LAMA1: variants seen among roughly 807,000 people sequenced by gnomAD.
The protein encoded by LAMA1 is laminin subunit alpha-1.
A neutral mutation model predicts 348.7 loss-of-function variants in LAMA1; 219 were observed. The ratio of observed to expected loss-of-function variants is 0.63; its 90% confidence interval spans 0.56 to 0.70. The LOEUF (loss-of-function observed/expected upper bound fraction) is 0.70, where lower values mean the gene tolerates loss of function less well. Ranked by LOEUF, LAMA1 falls within the 30% of genes least tolerant of loss-of-function variation. LAMA1 has a pLI of 0.00. For missense variants in LAMA1, 3,744 were observed against 3,888.0 expected (o/e 0.96, Z 0.99); for synonymous variants, 1,487 against 1,491.0 (o/e 1.00, Z 0.06).
intron 56 of LAMA1, 172 bp downstream of exon 56, chr18:6,956,464 G>C: frequency 1.9e-6 from 2 of 1,074,928 alleles, no homozygotes; most frequent in Non-Finnish European, 2.8e-6. Flanking sequence ...TGAGTTGCTT[G>C]AGGCACCCTT....
chr18:6,964,925 T>C (rs926791924), intron 50 of LAMA1, 122 bp from the exon 51 acceptor site: 12 of 1,123,232 alleles, frequency 1.1e-5, no homozygotes, highest in Non-Finnish European at 1.6e-5. Flanking sequence ...TTCTGCGAAT[T>C]TGATCAGCTA....
At chr18:7,007,679 A>G (rs561956883) in intron 28 of LAMA1, among the ~76,000 whole-genome samples, 7 of 152,246 alleles carry the variant, frequency 4.6e-5, no homozygotes, top group East Asian at 1.9e-4. Context: ...AGATATTTGA[A>G]CCCCTATGTT....
At chr18:7,020,384 GAGA>G (rs2057910093) in intron 19 of LAMA1, among the ~76,000 whole-genome samples, 1 of 152,156 alleles carries the variant, frequency 6.6e-6, no homozygotes, top group Non-Finnish European at 1.5e-5. Context: ...GCTTGCTTTA[GAGA>G]AGGTCAATCA....
chr18:6,995,892 T>C (rs2057779047), intron 33 of LAMA1, among the ~76,000 whole-genome samples: 1 of 152,186 alleles, frequency 6.6e-6, no homozygotes, highest in South Asian at 2.1e-4. Flanking sequence ...AGCCTTCTAA[T>C]TTCTTGTATA....
intron 1 of LAMA1, among the ~76,000 whole-genome samples, chr18:7,108,901 C>T (rs114107635): frequency 6.6e-5 from 10 of 152,026 alleles, no homozygotes; most frequent in Admixed American, 2.6e-4. Context: ...TGGATTTTGA[C>T]GGGTGGGGAA....
chr18:7,086,552 C>T (rs1468634086), intron 1 of LAMA1, among the ~76,000 whole-genome samples: 1 of 152,038 alleles, frequency 6.6e-6, no homozygotes, highest in Non-Finnish European at 1.5e-5. Context: ...ATCATTCATA[C>T]AGAGATCATG....
At chr18:7,048,174 CAAG>C (rs1843686899) in intron 5 of LAMA1, among the ~76,000 whole-genome samples, 1 of 151,986 alleles carries the variant, frequency 6.6e-6, no homozygotes, top group Non-Finnish European at 1.5e-5. Flanking sequence ...AAGTCAGTAA[CAAG>C]GAGGCTTATT....
intron 1 of LAMA1, among the ~76,000 whole-genome samples, chr18:7,087,301 T>A (rs950167417): frequency 4.6e-5 from 7 of 152,206 alleles, no homozygotes; most frequent in South Asian, 2.1e-4. Context: ...TTTATCACTA[T>A]CTTCCAGAAT....
intron 3 of LAMA1, among the ~76,000 whole-genome samples, chr18:7,065,757 G>A (rs141340488): frequency 1.1e-4 from 16 of 152,260 alleles, no homozygotes; most frequent in African/African-American, 3.1e-4. Context: ...GAACAGAAGC[G>A]AATAAGTATA....
intron 5 of LAMA1, among the ~76,000 whole-genome samples, chr18:7,047,472 G>A (rs1176660245): frequency 1.3e-5 from 2 of 152,154 alleles, no homozygotes; most frequent in African/African-American, 2.4e-5. Context: ...TGCACAGATT[G>A]GATGACTCAA....
intron 3 of LAMA1, among the ~76,000 whole-genome samples, chr18:7,057,721 C>T (rs1255168008): frequency 6.6e-6 from 1 of 151,636 alleles, no homozygotes; most frequent in East Asian, 1.9e-4. Context: ...TCAAGTGATC[C>T]ACCCGCCTTG....
At chr18:7,043,152 G>T in intron 8 of LAMA1, 75 bp downstream of exon 8, 1 of 1,440,546 alleles carries the variant, frequency 6.9e-7, no homozygotes, top group Non-Finnish European at 9.8e-7. Context: ...CAATACAGAG[G>T]TTAAGACTTG....
At position 7,037,691 on chromosome 18, in the gene LAMA1, G is replaced by T; in HGVS notation, c.1624C>A (p.Gln542Lys). 1 of 1,614,200 alleles carries T rather than the reference G, an allele frequency of 6.2e-7. No homozygotes were observed. Among genetic ancestry groups the T allele is most frequent in the South Asian group, 1.1e-5 (1 of 91,086 alleles). The change falls in exon 12 of 63, where the codon CAG becomes AAG. Residue 542 changes from glutamine to lysine, a missense_variant. By Grantham distance (53) the Gln-to-Lys change is moderately conservative. Transcript: ENST00000389658. ...DLISPRKIPS[Q>K]QDALGGRHQV... ...TGGCGCCCGCCTAGTGCATCTTGCT[G>T]AGACGGGATCTTCCTGGGACTGATC...
rs1438154402 is a variant in LAMA1, at chr18:6,990,321, T to G, written c.5168+2240A>C. On this transcript the variant is annotated intron_variant, in intron 36 of 62. Coordinates refer to ENST00000389658, the MANE Select transcript of LAMA1 (RefSeq NM_005559.4). The stretch of plus-strand genomic sequence containing the variant: ...TCACTTTGCTGAATGAATGAATGAA[T>G]GAACTGACCTCAGAAGGGTAACGGT... 2.6e-5 allele frequency among the ~76,000 whole-genome samples: 4 copies of G among 152,134 alleles called. No homozygotes were observed. The East Asian group carries it at 7.7e-4, about 29-fold the overall frequency.
intron 6 of LAMA1, 39 bp downstream of exon 6, chr18:7,046,239 T>C (rs1315714906): frequency 2.3e-6 from 3 of 1,289,294 alleles, no homozygotes; most frequent in African/African-American, 1.5e-5. Context: ...ACAATTTCTG[T>C]TTTGAAGTTT....
chr18:7,019,674 C>CTTTTTTTT (rs35235323), intron 19 of LAMA1, among the ~76,000 whole-genome samples: 4 of 94,544 alleles, frequency 4.2e-5, no homozygotes, highest in Non-Finnish European at 5.8e-5. Context: ...TATGGTAATT[C>CTTTTTTTT]TTTTTTTTTT....
Position 7,012,144 on chromosome 18 carries a change from G to A in LAMA1, c.3364-6C>T, listed in dbSNP as rs1000895966. 3 of 1,613,822 alleles carry A rather than the reference G, an allele frequency of 1.9e-6. No homozygotes were observed. Among genetic ancestry groups the A allele is most frequent in the Non-Finnish European group, 2.5e-6 (3 of 1,179,894 alleles). On this transcript the variant is annotated splice_polypyrimidine_tract_variant and splice_region_variant and intron_variant, in intron 23 of 62. Transcript: ENST00000389658. The stretch of plus-strand genomic sequence containing the variant: ...TGAGGACCAAAGACATTTTCCTACA[G>A]GGGAGCAAATAAAGGACTCGTTTTT...
At chr18:7,075,003 A>T (rs1046799178) in intron 3 of LAMA1, among the ~76,000 whole-genome samples, 10 of 121,010 alleles carry the variant, frequency 8.3e-5, no homozygotes, top group African/African-American at 3.3e-4. Context: ...AAAAAAAAAA[A>T]ATGCTGTAAT....
chr18:7,040,103 C>T lies in LAMA1; in HGVS notation c.1395G>A (p.Glu465=), dbSNP rs1364328103. The T allele has an allele frequency of 6.2e-7, 1 of 1,614,000 alleles. No homozygotes were observed. The highest frequency in any genetic ancestry group is 2.2e-5 in the East Asian group (1 of 44,864). ...GCNPVGSASD[E]PCTGPCVCKE... ...TACAAACACAGGGCCCTGTGCAGGG[C>T]TCATCACTGGCACTGCCCACTGGGT... The change falls in exon 10 of 63, where the codon GAG becomes GAA. Residue 465 remains glutamate, a synonymous_variant. Transcript: ENST00000389658.
Sources: gnomAD v4.1 joint callset for allele counts (sites outside exome capture counted in the v4.1 genomes callset) on GRCh38, gnomAD v4.1.1 for gene constraint, MANE v1.5 for transcripts, NCBI Gene and HGNC (gene_info 2026-07-23, HGNC 2026-07-21) for gene names.